The following GIGYF1 variants were observed in gnomAD, a reference collection of about 807,000 sequenced individuals.
GIGYF1 encodes GRB10-interacting GYF protein 1.
In GIGYF1, 84 loss-of-function variants were observed where a neutral mutation model predicts 147.1. The ratio of observed to expected loss-of-function variants is 0.57; its 90% confidence interval spans 0.48 to 0.68. The LOEUF (loss-of-function observed/expected upper bound fraction) is 0.68. GIGYF1 is among the 30% of genes least tolerant of loss of function. The pLI is 0.00. For synonymous variants in GIGYF1, 752 were observed against 589.5 expected (o/e 1.28, Z -3.99); for missense variants, 1,485 against 1,393.7 (o/e 1.07, Z -1.04).
rs368033360 is a variant in GIGYF1, at chr7:100,682,060, C to T, written c.2925+12G>A. On this transcript the variant is annotated intron_variant, in intron 25 of 26. Coordinates refer to ENST00000678049, the MANE Select transcript of GIGYF1 (RefSeq NM_001375765.1). ...GCAAGCCCACCCCAGCTGCTGGTGC[C>T]GGCTGCCTCACCTGCTGCTGCTGCC... 1.5e-4 allele frequency: 247 copies of T among 1,611,800 alleles called. No homozygotes were observed. Among genetic ancestry groups the T allele is most frequent in the East Asian group, 3.8e-4 (17 of 44,862 alleles).
Position 100,685,968 on chromosome 7 carries a change from G to T in GIGYF1, c.1054+6C>A. On this transcript the variant is annotated splice_donor_region_variant and intron_variant, in intron 12 of 26. Coordinates refer to ENST00000678049, the MANE Select transcript of GIGYF1 (RefSeq NM_001375765.1). ...CCCCAGGCCCGCTGGGCACCCCGCG[G>T]CTCACCTGCCTCAGGCCCTTCCTCC... The T allele has an allele frequency of 6.2e-7, 1 of 1,610,720 alleles. No homozygotes were observed. Among genetic ancestry groups the T allele is most frequent in the Non-Finnish European group, 8.5e-7 (1 of 1,179,264 alleles).
At chr7:100,686,560 C>A in intron 10 of GIGYF1, 89 bp downstream of exon 10, 11 of 1,528,458 alleles carry the variant, frequency 7.2e-6, no homozygotes, top group Non-Finnish European at 9.7e-6. Flanking sequence ...CCAGCCTCTG[C>A]TCCCTCCCCG....
chr7:100,684,928 G>T, intron 14 of GIGYF1, 34 bp from the exon 15 acceptor site: 2 of 1,601,152 alleles, frequency 1.2e-6, no homozygotes, highest in Non-Finnish European at 8.5e-7. Flanking sequence ...AGGCTCAGCT[G>T]CCAATCTCAG....
In GIGYF1 at chr7:100,681,739, C is replaced by T. The variant is rs758918093; in HGVS notation, c.3088G>A (p.Glu1030Lys). 5 of 1,578,434 alleles carry T rather than the reference C, an allele frequency of 3.2e-6. No homozygotes were observed. The highest frequency in any genetic ancestry group is 1.7e-4 in the Middle Eastern group (1 of 5,874). The change falls in exon 27 of 27, where the codon GAG (glutamate) becomes AAG (lysine). Residue 1030 changes from glutamate to lysine, a missense_variant. Coordinates refer to ENST00000678049, the MANE Select transcript of GIGYF1 (RefSeq NM_001375765.1). ...YSLHGSSGEIESVDDY is the reference protein window; with the variant it reads ...YSLHGSSGEIKSVDDY ...GCTGGTCAGTAGTCATCCACGCTCT[C>T]GATCTCACCAGAAGATCCGTGCAGG...
At chr7:100,684,383 G>T in intron 16 of GIGYF1, 46 bp from the exon 17 acceptor site, 1 of 1,599,258 alleles carries the variant, frequency 6.3e-7, no homozygotes. Flanking sequence ...GGGAGGAGGG[G>T]ACTCTGCTGG....
rs1296255583 is a variant in GIGYF1 at position 100,686,698 on chromosome 7, G to C, written c.645C>G (p.Leu215=). 1.9e-6 allele frequency: 3 copies of C among 1,613,050 alleles called. No homozygotes were observed. Among genetic ancestry groups the C allele is most frequent in the Non-Finnish European group, 1.7e-6 (2 of 1,179,852 alleles). Reference sequence around the variant, plus strand: ...CGCCGTCTCGCCGGGGCCCTGCTCCGAGCCTCCAGCTGCCCTCCTCCTCCT... The same window carrying C: ...CGCCGTCTCGCCGGGGCCCTGCTCCCAGCCTCCAGCTGCCCTCCTCCTCCT... The part of the protein sequence containing the change: ...QEEEEEGSWR[L]GAGPRRDGDR... Residue 215 remains leucine (L), a synonymous_variant, in exon 10 of 27, where the codon CTC becomes CTG. Coordinates refer to ENST00000678049, the MANE Select transcript of GIGYF1 (RefSeq NM_001375765.1).
Position 100,690,781 on chromosome 7 carries a change from C to CAAAA in GIGYF1, c.-1098-1230_-1098-1227dup, listed in dbSNP as rs34194201. Among the ~76,000 whole-genome samples, 21 of 93,552 alleles carry CAAAA rather than the reference C, an allele frequency of 2.2e-4. 1 individual carries two copies. The highest frequency in any genetic ancestry group is 9.2e-4 in the Admixed American group (8 of 8,702). 61.4% of individuals were successfully genotyped at this position (93,552 alleles called of 152,430 possible). A position where few individuals can be genotyped will look rare whatever the true frequency, so the allele number is the denominator to read the frequency against. ...TGGGCAACAGAGCAAGACTCTGTCT[C>CAAAA]AAAAAAAAAAAAAAAAAAAAATTTA... is the stretch of plus-strand genomic sequence containing the variant. On this transcript the variant is annotated intron_variant, in intron 1 of 26. Coordinates refer to ENST00000678049, the MANE Select transcript of GIGYF1 (RefSeq NM_001375765.1).
At chr7:100,683,466 A>C (rs1804994613) in intron 20 of GIGYF1, 22 bp from the exon 21 acceptor site, 1 of 1,614,126 alleles carries the variant, frequency 6.2e-7, no homozygotes, top group Non-Finnish European at 8.5e-7. Context: ...GGCCCATCAG[A>C]GGGGAGAGCT....
At chr7:100,691,506 A>ATTT (rs373899398) in intron 1 of GIGYF1, among the ~76,000 whole-genome samples, 102 of 147,652 alleles carry the variant, frequency 6.9e-4, no homozygotes, top group Non-Finnish European at 7.7e-4. Context: ...AAAAGAATAG[A>ATTT]TTTTTTTTTT....
At chr7:100,682,932 C>G (rs1804927417) in intron 22 of GIGYF1, 80 bp downstream of exon 22, 1 of 1,324,386 alleles carries the variant, frequency 7.6e-7, no homozygotes, top group Non-Finnish European at 1.0e-6. Context: ...TGGGGCTGCA[C>G]AAGTCTGGGT....
chr7:100,681,924 C>T lies in GIGYF1; in HGVS notation c.2995G>A (p.Gly999Arg), dbSNP rs778027077. ...CGCCTCTTGGCCTTGCTGCCCTCCC[C>T]GGGGCCGAGTTTGGTGCTGTGGTTG... ...QANHSTKLGP[G>R]EGSKAKRRAL... Residue 999 changes from glycine (G) to arginine (R), a missense_variant, in exon 26 of 27, where the codon GGG becomes AGG. Transcript: ENST00000678049. 28 of 1,610,424 alleles carry T rather than the reference C, an allele frequency of 1.7e-5. No homozygotes were observed. Among genetic ancestry groups the T allele is most frequent in the African/African-American group, 8.0e-5 (6 of 74,942 alleles).
At chr7:100,687,436 C>G in intron 7 of GIGYF1, 30 bp from the exon 8 acceptor site, 1 of 1,610,410 alleles carries the variant, frequency 6.2e-7, no homozygotes, top group Non-Finnish European at 8.5e-7. Flanking sequence ...CACAATGAAA[C>G]CTGCTGCACG....
chr7:100,681,974 G>A lies in GIGYF1; in HGVS notation c.2945C>T (p.Ala982Val). Residue 982 changes from alanine to valine, a missense_variant, in exon 26 of 27, where the codon GCC (alanine) becomes GTC (valine). Ala to Val is a moderately conservative substitution (Grantham distance 64). Transcript: ENST00000678049. ...QQQQEAWLSSASLQTAFQANH... is the reference protein window; with the variant it reads ...QQQQEAWLSSVSLQTAFQANH... The stretch of plus-strand genomic sequence containing the variant: ...GGCCTGGAAGGCCGTCTGCAGCGAG[G>A]CGCTGCTCAGCCATGCCTCCTAAGG... 6.2e-7 allele frequency: 1 copy of A among 1,608,850 alleles called. No individual in the cohort carries two copies. The highest frequency in any genetic ancestry group is 8.5e-7 in the Non-Finnish European group (1 of 1,179,924).
chr7:100,688,583 G>A lies in GIGYF1; in HGVS notation c.-135+9C>T, dbSNP rs112461784. On this transcript the variant is annotated intron_variant, in intron 2 of 26. Coordinates refer to ENST00000678049, the MANE Select transcript of GIGYF1 (RefSeq NM_001375765.1). ...TCAGCAGGGCAACCACCCTTGGCCC[G>A]GGGCTCACCTGGCAGCCTGGCCCGG... is the stretch of plus-strand genomic sequence containing the variant. The A allele has an allele frequency of 3.5e-5, 19 of 549,038 alleles. No individual in the cohort carries two copies. Among genetic ancestry groups the A allele is most frequent in the Admixed American group, 1.1e-4 (5 of 44,830 alleles). 34.0% of individuals were successfully genotyped at this position (549,038 alleles called of 1,614,324 possible).
chr7:100,683,441 G>A lies in GIGYF1; in HGVS notation c.2056C>T (p.Gln686Ter). The change falls in exon 21 of 27, where the codon CAG becomes TAG. Residue 686 changes from glutamine (Q) to a stop codon, truncating the protein, a stop_gained. Transcript: ENST00000678049. LOFTEE classifies it high-confidence loss of function. ...LEQLQLQHKFQERREVELRAK... is the reference protein window; with the variant it reads ...LEQLQLQHKF ...CTGAGCTCCACTTCTCTGCGCTCCT[G>A]GAACTGAGACCAGTGGCCCATCAGA... is the stretch of plus-strand genomic sequence containing the variant. 1 of 1,614,100 alleles carries A rather than the reference G, an allele frequency of 6.2e-7. No individual in the cohort carries two copies. The highest frequency in any genetic ancestry group is 8.5e-7 in the Non-Finnish European group (1 of 1,180,014).
chr7:100,683,982 C>A (rs534789262), intron 18 of GIGYF1, 38 bp downstream of exon 18: 28 of 1,584,786 alleles, frequency 1.8e-5, no homozygotes, highest in East Asian at 1.4e-4. Flanking sequence ...CCATCCCCCC[C>A]CCACCCTGTA....
Position 100,682,365 on chromosome 7 carries a change from G to C in GIGYF1, c.2718C>G (p.Cys906Trp). ...CGCTCAGCGTGTGCAGCATCTGCTC[G>C]CACCACTGGGTGAAGCCGTCCTGGG... Reference protein sequence around the residue: ...PRPQDGFTQWCEQMLHTLSAT... With the variant: ...PRPQDGFTQWWEQMLHTLSAT... Residue 906 changes from cysteine (C) to tryptophan (W), a missense_variant, in exon 24 of 27, where the codon TGC becomes TGG. Cys to Trp is a radical substitution (Grantham distance 215). Coordinates refer to ENST00000678049, the MANE Select transcript of GIGYF1 (RefSeq NM_001375765.1). 1 of 1,613,464 alleles carries C rather than the reference G, an allele frequency of 6.2e-7. No homozygotes were observed. Among genetic ancestry groups the C allele is most frequent in the Non-Finnish European group, 8.5e-7 (1 of 1,179,950 alleles).
rs202005856 is a variant in GIGYF1 at position 100,682,792 on chromosome 7, A to T, written c.2413-15T>A. The T allele has an allele frequency of 1.9e-4, 289 of 1,516,202 alleles. No individual in the cohort carries two copies. Among genetic ancestry groups the T allele is most frequent in the Non-Finnish European group, 2.4e-4 (275 of 1,134,156 alleles). The allele number at this position is 1,516,202 out of a possible 1,614,324, so 93.9% of individuals were successfully genotyped here. ...CCCCCAAGCTGCTACAGATGGCAGA[A>T]GATCAGAGTGGCTCAAACAAAGGCA... is the stretch of plus-strand genomic sequence containing the variant. On this transcript the variant is annotated splice_polypyrimidine_tract_variant and intron_variant, in intron 22 of 26. Coordinates refer to ENST00000678049, the MANE Select transcript of GIGYF1 (RefSeq NM_001375765.1).
intron 1 of GIGYF1, among the ~76,000 whole-genome samples, chr7:100,689,882 A>C (rs1805690809): frequency 6.6e-6 from 1 of 152,200 alleles, no homozygotes; most frequent in Non-Finnish European, 1.5e-5. Context: ...CACCAGCCAA[A>C]AAAGGAGAGC....
Sources: gnomAD v4.1 joint callset for allele counts (sites outside exome capture counted in the v4.1 genomes callset) on GRCh38, gnomAD v4.1.1 for gene constraint, MANE v1.5 for transcripts, NCBI Gene and HGNC (gene_info 2026-07-23, HGNC 2026-07-21) for gene names.